ATR: variants seen among roughly 807,000 people sequenced by gnomAD.
The protein encoded by ATR is serine/threonine-protein kinase ATR.
A neutral mutation model predicts 305.3 loss-of-function variants in ATR; 142 were observed. That is an observed-to-expected ratio of 0.47 (90% confidence interval 0.41 to 0.53). The LOEUF is 0.53. ATR is among the 20% of genes least tolerant of loss of function. The pLI, the probability that ATR is intolerant of heterozygous loss-of-function variation, is 0.00. For missense variants in ATR, 2,135 were observed against 3,133.1 expected (o/e 0.68, Z 7.60); for synonymous variants, 1,050 against 1,068.1 (o/e 0.98, Z 0.33).
chr3:142,455,361 C>T (rs78013224), intron 45 of ATR, among the ~76,000 whole-genome samples: 6,381 of 152,148 alleles, frequency 0.042, 440 homozygotes, highest in African/African-American at 0.15. Context: ...AGCAATACTC[C>T]CTAATTGATT....
intron 36 of ATR, among the ~76,000 whole-genome samples, chr3:142,481,355 T>C (rs2030464244): frequency 6.6e-6 from 1 of 152,246 alleles, no homozygotes; most frequent in African/African-American, 2.4e-5. Context: ...ATATCAAATA[T>C]ATGTATTTGG....
chr3:142,500,392 A>G (rs1207727378), intron 30 of ATR, among the ~76,000 whole-genome samples: 2 of 152,196 alleles, frequency 1.3e-5, no homozygotes, highest in African/African-American at 4.8e-5. Flanking sequence ...TAGGATGACC[A>G]GTGATATTTG....
At chr3:142,482,124 C>G (rs1352373299) in intron 36 of ATR, among the ~76,000 whole-genome samples, 2 of 152,064 alleles carry the variant, frequency 1.3e-5, no homozygotes. Flanking sequence ...CTGAGCCCAG[C>G]CTATTTTGAT....
At chr3:142,547,287 T>C (rs1376841150) in intron 16 of ATR, among the ~76,000 whole-genome samples, 1 of 152,224 alleles carries the variant, frequency 6.6e-6, no homozygotes, top group African/African-American at 2.4e-5. Context: ...GTTTCATTTG[T>C]TGACCTAAGG....
chr3:142,465,051 A>G (rs186109207), intron 41 of ATR, 46 bp downstream of exon 41: 3 of 1,257,314 alleles, frequency 2.4e-6, no homozygotes, highest in Non-Finnish European at 3.1e-6. Flanking sequence ...AAATTTTTTT[A>G]AAATAAAAAA....
At chr3:142,507,145 T>G (rs1326838934) in intron 28 of ATR, among the ~76,000 whole-genome samples, 1 of 152,250 alleles carries the variant, frequency 6.6e-6, no homozygotes, top group African/African-American at 2.4e-5. Context: ...GACTGCAAGT[T>G]ACTAATTTTC....
intron 7 of ATR, 119 bp from the exon 8 acceptor site, chr3:142,558,895 AAC>A: frequency 9.5e-7 from 1 of 1,052,920 alleles, no homozygotes; most frequent in South Asian, 1.6e-5. Flanking sequence ...AGAAATTCTT[AAC>A]ACAGAGATCT....
intron 35 of ATR, among the ~76,000 whole-genome samples, chr3:142,492,766 A>T (rs1255041195): frequency 6.6e-6 from 1 of 152,096 alleles, no homozygotes; most frequent in African/African-American, 2.4e-5. Context: ...TGACCCATGG[A>T]TTATTGAGAG....
chr3:142,477,553 C>CT (rs2029968139), intron 36 of ATR, among the ~76,000 whole-genome samples: 1 of 152,062 alleles, frequency 6.6e-6, no homozygotes, highest in African/African-American at 2.4e-5. Context: ...TTAAAATTCT[C>CT]TTTTTTTGTT....
Position 142,542,706 on chromosome 3 carries a change from G to C in ATR, c.3409C>G (p.Gln1137Glu). 1 of 1,613,232 alleles carries C rather than the reference G, an allele frequency of 6.2e-7. No homozygotes were observed. The highest frequency in any genetic ancestry group is 1.1e-5 in the South Asian group (1 of 91,046). ...LLGILAFFNMQLLSSSVGIED... is the reference protein window; with the variant it reads ...LLGILAFFNMELLSSSVGIED... ...ATGCCAACACTAGAGCTCAGTAACT[G>C]CATGTTAAAAAAAGCCAAAATGCCC... The change falls in exon 17 of 47, where the codon CAG (glutamine) becomes GAG (glutamate). Residue 1137 changes from glutamine to glutamate, a missense_variant. This residue lies in a region of ATR where 530 missense variants were observed against 766.8 expected (regional missense o/e 0.69). Coordinates refer to ENST00000350721, the MANE Select transcript of ATR (RefSeq NM_001184.4).
At chr3:142,516,308 T>A (rs2032857672) in intron 24 of ATR, among the ~76,000 whole-genome samples, 1 of 152,228 alleles carries the variant, frequency 6.6e-6, no homozygotes. Context: ...GGTATTCATC[T>A]GCTAACCTCC....
chr3:142,528,373 G>T (rs2033484762), intron 21 of ATR, among the ~76,000 whole-genome samples: 1 of 152,002 alleles, frequency 6.6e-6, no homozygotes, highest in Non-Finnish European at 1.5e-5. Flanking sequence ...CAAGGTGGCT[G>T]GTGTGTTATT....
At chr3:142,559,852 T>C (rs2034813555) in intron 6 of ATR, among the ~76,000 whole-genome samples, 2 of 152,328 alleles carry the variant, frequency 1.3e-5, no homozygotes, top group South Asian at 4.1e-4. Flanking sequence ...GCCATGATCA[T>C]GCCACTGTGC....
chr3:142,555,836 TA>T (rs781090556), intron 10 of ATR, 40 bp downstream of exon 10: 6 of 1,572,476 alleles, frequency 3.8e-6, no homozygotes, highest in Non-Finnish European at 4.3e-6. Context: ...AAGCAGAGCT[TA>T]AATAGGTTTT....
chr3:142,560,654 G>A (rs908470162), intron 5 of ATR, among the ~76,000 whole-genome samples, 200 bp from the exon 6 acceptor site: 4 of 151,614 alleles, frequency 2.6e-5, no homozygotes, highest in Non-Finnish European at 4.4e-5. Context: ...TCCGCCTCCC[G>A]GGTTCACGCC....
chr3:142,505,348 C>A (rs747069655), intron 28 of ATR, 45 bp from the exon 29 acceptor site: 7 of 1,602,946 alleles, frequency 4.4e-6, no homozygotes, highest in Non-Finnish European at 6.0e-6. Flanking sequence ...GAAAAAAACA[C>A]AACTGGAAAT....
rs749493772 is a variant in ATR, at chr3:142,459,036, G to A, written c.7425C>T (p.Asp2475=). 3.7e-5 allele frequency: 60 copies of A among 1,613,950 alleles called. No homozygotes were observed. The highest frequency in any genetic ancestry group is 4.7e-5 in the Non-Finnish European group (56 of 1,179,878). The change falls in exon 44 of 47, where the codon GAC becomes GAT. Residue 2475 remains aspartate, a synonymous_variant. Transcript: ENST00000350721. The part of the protein sequence containing the change: ...SMVGYILGLG[D]RHGENILFDS... The stretch of plus-strand genomic sequence containing the variant: ...CAAAGAGAATATTTTCACCATGACG[G>A]TCTCCAAGCCCCAGAATATAACCAA...
At chr3:142,455,720 A>G (rs995509355) in intron 45 of ATR, among the ~76,000 whole-genome samples, 3 of 152,250 alleles carry the variant, frequency 2.0e-5, no homozygotes, top group Non-Finnish European at 4.4e-5. Context: ...ACCTTACACC[A>G]TATCTACAAA....
chr3:142,502,238 C>A (rs1409113645), intron 30 of ATR, among the ~76,000 whole-genome samples: 1 of 152,108 alleles, frequency 6.6e-6, no homozygotes, highest in Non-Finnish European at 1.5e-5. Context: ...GGAAAATAAT[C>A]CATTCTACCA....
Sources: allele counts gnomAD v4.1 joint callset (sites outside exome capture counted in the v4.1 genomes callset), GRCh38; gene constraint gnomAD v4.1.1; regional missense constraint gnomAD v4.1.1; transcripts MANE v1.5; gene names NCBI Gene and HGNC (gene_info 2026-07-23, HGNC 2026-07-21).